PLEKHA1: variants seen among roughly 807,000 people sequenced by gnomAD.
PLEKHA1 encodes pleckstrin homology domain-containing family A member 1.
PLEKHA1 carries 34 observed loss-of-function variants against 52.0 expected under a neutral mutation model. That is an observed-to-expected ratio of 0.65 (90% CI 0.50 to 0.87). The LOEUF (loss-of-function observed/expected upper bound fraction) is 0.87, where lower values mean the gene tolerates loss of function less well. Ranked by LOEUF, PLEKHA1 falls within the 40% of genes least tolerant of loss-of-function variation. The pLI is 0.00. For missense variants in PLEKHA1, 497 were observed against 504.2 expected (o/e 0.99, Z 0.14); for synonymous variants, 163 against 170.7 (o/e 0.95, Z 0.35).
chr10:122,380,687 T>C lies in PLEKHA1; in HGVS notation c.-21+5881T>C, dbSNP rs370354995. On this transcript the variant is annotated intron_variant, in intron 1 of 11. Coordinates refer to ENST00000368990, the MANE Select transcript of PLEKHA1 (RefSeq NM_001001974.4). ...GATGGGATCCCATTGAAACAGGTTG[T>C]CAACCTTGGCCGAACATTAGAATGA... Among the ~76,000 whole-genome samples, 8 of 152,160 alleles carry C rather than the reference T, an allele frequency of 5.3e-5. No homozygotes were observed. In the East Asian group the frequency reaches 1.3e-3, roughly 26 times the overall value.
chr10:122,410,303 C>CA (rs2097090302), intron 5 of PLEKHA1, among the ~76,000 whole-genome samples: 1 of 152,038 alleles, frequency 6.6e-6, no homozygotes, highest in African/African-American at 2.4e-5. Context: ...AGATCTCCTA[C>CA]AAAAAATGCT....
chr10:122,376,913 C>T (rs2096546482), intron 1 of PLEKHA1, among the ~76,000 whole-genome samples: 1 of 152,172 alleles, frequency 6.6e-6, no homozygotes, highest in South Asian at 2.1e-4. Flanking sequence ...TAGGAAGATA[C>T]TTGGGAAAGG....
intron 4 of PLEKHA1, among the ~76,000 whole-genome samples, chr10:122,400,814 A>G (rs2096917506): frequency 6.6e-6 from 1 of 152,244 alleles, no homozygotes; most frequent in African/African-American, 2.4e-5. Context: ...CTTACCCAGC[A>G]AATGTTTAGT....
chr10:122,405,553 G>A lies in PLEKHA1; in HGVS notation c.245-1023G>A, dbSNP rs78323524. On this transcript the variant is annotated intron_variant, in intron 4 of 11. Coordinates refer to ENST00000368990, the MANE Select transcript of PLEKHA1 (RefSeq NM_001001974.4). Reference sequence around the variant, plus strand: ...CAAGGTACAATTATTTACCAATTAGGTTGTTAAAGAGTATTAGCCAGGAAA... The same window carrying A: ...CAAGGTACAATTATTTACCAATTAGATTGTTAAAGAGTATTAGCCAGGAAA... 5.1e-3 allele frequency among the ~76,000 whole-genome samples: 774 copies of A among 151,262 alleles called. 9 individuals carry two copies. The highest frequency in any genetic ancestry group is 0.018 in the African/African-American group (736 of 41,164).
intron 1 of PLEKHA1, among the ~76,000 whole-genome samples, chr10:122,375,860 GTTGTTTTAATAAGATTTTCT>G (rs2096527023): frequency 6.6e-6 from 1 of 152,080 alleles, no homozygotes; most frequent in Admixed American, 6.6e-5. Context: ...ACAATTGATC[GTTGTTTTAATAAGATTTTCT>G]TTGTTTTAAT....
In PLEKHA1 at chr10:122,393,423, T is replaced by A. The variant is rs2096802203; in HGVS notation, c.141+82T>A. The A allele has an allele frequency of 7.5e-7, 1 of 1,333,692 alleles. No individual in the cohort carries two copies. The highest frequency in any genetic ancestry group is 1.5e-5 in the African/African-American group (1 of 66,736). 82.6% of individuals were successfully genotyped at this position (1,333,692 alleles called of 1,614,324 possible). On this transcript the variant is annotated intron_variant, in intron 2 of 11. Coordinates refer to ENST00000368990, the MANE Select transcript of PLEKHA1 (RefSeq NM_001001974.4). This position sits in a 1 kb window ranked among gnomAD's most constrained non-coding sequence, Gnocchi z 4.5. ...TTAACATACTATACAGGCTTTAGAT[T>A]TGTCTTCTTAAGCAGTATATTTTTA...
At chr10:122,394,366 G>A (rs1003961236) in intron 2 of PLEKHA1, among the ~76,000 whole-genome samples, 20 of 152,110 alleles carry the variant, frequency 1.3e-4, no homozygotes, top group East Asian at 9.7e-4. Context: ...ATGAGCCACC[G>A]CGCCCGGCCT....
At chr10:122,415,695 GAC>G (rs1263431101) in intron 6 of PLEKHA1, among the ~76,000 whole-genome samples, 162 bp from the exon 7 acceptor site, 2 of 152,146 alleles carry the variant, frequency 1.3e-5, no homozygotes, top group African/African-American at 4.8e-5. Flanking sequence ...TTTAATCAGT[GAC>G]AGGAAAATTA....
chr10:122,418,535 G>C (rs1238039191), intron 8 of PLEKHA1: 1 of 152,160 alleles, frequency 6.6e-6, no homozygotes, highest in Non-Finnish European at 1.5e-5. Flanking sequence ...TTACAGTGAG[G>C]AAAGTGGTGT....
intron 10 of PLEKHA1, among the ~76,000 whole-genome samples, chr10:122,426,195 A>G (rs951235748): frequency 6.6e-6 from 1 of 152,088 alleles, no homozygotes; most frequent in Non-Finnish European, 1.5e-5. Flanking sequence ...GAGATTAACT[A>G]TCAGAGCATG....
At chr10:122,426,833 G>C in intron 10 of PLEKHA1, 109 bp from the exon 11 acceptor site, 3 of 1,006,408 alleles carry the variant, frequency 3.0e-6, no homozygotes, top group Non-Finnish European at 4.3e-6. Context: ...TTGCCTTAGA[G>C]TGATTTTGTT....
chr10:122,385,016 A>G (rs903393239), intron 1 of PLEKHA1, among the ~76,000 whole-genome samples: 5 of 152,140 alleles, frequency 3.3e-5, no homozygotes, highest in African/African-American at 4.8e-5. Flanking sequence ...GTTACATTCA[A>G]TAAACTCTAT....
At chr10:122,427,677 T>G (rs2097359492) in intron 11 of PLEKHA1, among the ~76,000 whole-genome samples, 1 of 152,210 alleles carries the variant, frequency 6.6e-6, no homozygotes, top group African/African-American at 2.4e-5. Context: ...TCAGAAATAT[T>G]TTTTTAAAAG....
chr10:122,393,157 A>G lies in PLEKHA1; in HGVS notation c.-20-24A>G, dbSNP rs1258725425. ...TACTTTCCTGTTTCATAGGGAGCTTACTGTTAATATTTTTATTTTACAGTG... is the reference window on the plus strand; with the variant it reads ...TACTTTCCTGTTTCATAGGGAGCTTGCTGTTAATATTTTTATTTTACAGTG... On this transcript the variant is annotated intron_variant, in intron 1 of 11. Coordinates refer to ENST00000368990, the MANE Select transcript of PLEKHA1 (RefSeq NM_001001974.4). The surrounding 1 kb of genome is among the most constrained non-coding windows in gnomAD (Gnocchi z 4.5). 2 of 1,548,078 alleles carry G rather than the reference A, an allele frequency of 1.3e-6. No homozygotes were observed. Among genetic ancestry groups the G allele is most frequent in the Admixed American group, 1.9e-5 (1 of 51,574 alleles).
intron 4 of PLEKHA1, among the ~76,000 whole-genome samples, chr10:122,405,328 A>G (rs2096992736): frequency 6.6e-6 from 1 of 152,158 alleles, no homozygotes; most frequent in Admixed American, 6.6e-5. Flanking sequence ...TCTGATCAAA[A>G]ATACTGTTAA....
chr10:122,415,834 A>T, intron 6 of PLEKHA1, 25 bp from the exon 7 acceptor site: 1 of 1,580,512 alleles, frequency 6.3e-7, no homozygotes, highest in Non-Finnish European at 8.7e-7. Flanking sequence ...CAAGAAAATA[A>T]TTTATTTATT....
At chr10:122,432,715 G>A (rs1324963493), downstream of PLEKHA1, 1 of 152,112 alleles carries the variant, frequency 6.6e-6, no homozygotes, top group African/African-American at 2.4e-5. Context: ...GAAAGCAGAG[G>A]GCATCTTAAT....
Position 122,397,980 on chromosome 10 carries a change from CTT to C in PLEKHA1, c.198+8_198+9del, listed in dbSNP as rs763632256. 28 of 1,601,768 alleles carry C rather than the reference CTT, an allele frequency of 1.7e-5. No individual in the cohort carries two copies. Among genetic ancestry groups the C allele is most frequent in the African/African-American group, 2.7e-5 (2 of 74,636 alleles). On this transcript the variant is annotated splice_region_variant and intron_variant, in intron 3 of 11. Transcript: ENST00000368990. ...AGCTTACCTACATTTCAAAGGTAGT[CTT>C]TATACATTGTCTTATACTCGTGTGA...
Position 122,378,344 on chromosome 10 carries a change from G to A in PLEKHA1, c.-21+3538G>A, listed in dbSNP as rs1016625391. On this transcript the variant is annotated intron_variant, in intron 1 of 11. Coordinates refer to ENST00000368990, the MANE Select transcript of PLEKHA1 (RefSeq NM_001001974.4). The stretch of plus-strand genomic sequence containing the variant: ...TGAGTTTTAATTTTCACTATTCACT[G>A]CCTTTAACTGTATTTTGTAGGCTCT... Among the ~76,000 whole-genome samples, 4 of 152,120 alleles carry A rather than the reference G, an allele frequency of 2.6e-5. No homozygotes were observed. The East Asian group carries it at 7.7e-4, about 29-fold the overall frequency.
Sources: gnomAD v4.1 joint callset for allele counts (sites outside exome capture counted in the v4.1 genomes callset) on GRCh38, gnomAD v4.1.1 for gene constraint, Gnocchi (gnomAD v3.1) non-coding constraint, MANE v1.5 for transcripts, NCBI Gene and HGNC (gene_info 2026-07-23, HGNC 2026-07-21) for gene names.